FHOD3: variants seen among roughly 807,000 people sequenced by gnomAD.
FHOD3 encodes FH1/FH2 domain-containing protein 3.
A neutral mutation model predicts 173.0 loss-of-function variants in FHOD3; 90 were observed. That is an observed-to-expected ratio of 0.52 (90% CI 0.44 to 0.62). The LOEUF is 0.62. FHOD3 is among the 20% of genes least tolerant of loss of function. FHOD3 has a pLI of 0.00. For missense variants in FHOD3, 1,945 were observed against 2,034.7 expected, an observed-to-expected ratio of 0.96 and a Z score of 0.85; for synonymous variants, 828 against 823.0, an observed-to-expected ratio of 1.01 and a Z score of -0.10.
At chr18:36,452,270 T>C (rs942981446) in intron 3 of FHOD3, among the ~76,000 whole-genome samples, 3 of 152,160 alleles carry the variant, frequency 2.0e-5, no homozygotes, top group Non-Finnish European at 2.9e-5. Context: ...ACAGTAGTTT[T>C]TCTTGGAGAA....
chr18:36,572,942 C>T (rs1354147533), intron 5 of FHOD3, among the ~76,000 whole-genome samples: 1 of 151,844 alleles, frequency 6.6e-6, no homozygotes, highest in Non-Finnish European at 1.5e-5. Context: ...TCCATGGAGA[C>T]TTGCCAGTTT....
chr18:36,729,951 C>T (rs1014524809), intron 19 of FHOD3, among the ~76,000 whole-genome samples: 1 of 152,176 alleles, frequency 6.6e-6, no homozygotes, highest in Non-Finnish European at 1.5e-5. Context: ...ACTTCTTATT[C>T]CCTGCTCTCC....
chr18:36,709,978 C>T (rs1600352671), intron 18 of FHOD3: 1 of 152,576 alleles, frequency 6.6e-6, no homozygotes, highest in African/African-American at 2.4e-5. Flanking sequence ...ATATTACACT[C>T]ATAACTATTC....
intron 9 of FHOD3, among the ~76,000 whole-genome samples, chr18:36,617,875 A>G (rs1469894390): frequency 6.6e-6 from 1 of 152,128 alleles, no homozygotes; most frequent in African/African-American, 2.4e-5. Context: ...TAAACTTCCT[A>G]TTGTTACAGG....
intron 1 of FHOD3, among the ~76,000 whole-genome samples, chr18:36,309,235 G>A (rs2144631717): frequency 6.6e-6 from 1 of 152,196 alleles, no homozygotes; most frequent in East Asian, 1.9e-4. Flanking sequence ...CCTAAGCCTT[G>A]TTTTCCGTTC....
At chr18:36,604,783 G>A (rs2031876816) in intron 8 of FHOD3, among the ~76,000 whole-genome samples, 1 of 152,128 alleles carries the variant, frequency 6.6e-6, no homozygotes, top group Admixed American at 6.5e-5. Flanking sequence ...AATTTTAAAA[G>A]ATCTTATTTA....
At chr18:36,621,970 A>G (rs1273633969) in intron 9 of FHOD3, among the ~76,000 whole-genome samples, 1 of 152,250 alleles carries the variant, frequency 6.6e-6, no homozygotes, top group Non-Finnish European at 1.5e-5. Context: ...TCAATAAAGA[A>G]CATATGGTAT....
At chr18:36,504,903 C>T (rs1488254978) in intron 4 of FHOD3, among the ~76,000 whole-genome samples, 1 of 152,158 alleles carries the variant, frequency 6.6e-6, no homozygotes, top group Non-Finnish European at 1.5e-5. Flanking sequence ...ATTCCACACT[C>T]GATCTCATGT....
chr18:36,490,017 C>A (rs2054386966), intron 3 of FHOD3, among the ~76,000 whole-genome samples: 1 of 152,164 alleles, frequency 6.6e-6, no homozygotes, highest in Non-Finnish European at 1.5e-5. Context: ...GTTTGAGATG[C>A]CACTCATCTG....
At chr18:36,617,489 A>G (rs1474381461) in intron 9 of FHOD3, among the ~76,000 whole-genome samples, 1 of 151,956 alleles carries the variant, frequency 6.6e-6, no homozygotes, top group African/African-American at 2.4e-5. Context: ...ATGTATCACA[A>G]TTTATTTATC....
chr18:36,498,430 T>C (rs1489862850), intron 3 of FHOD3, among the ~76,000 whole-genome samples: 1 of 152,206 alleles, frequency 6.6e-6, no homozygotes, highest in Non-Finnish European at 1.5e-5. Context: ...GATAGATTTC[T>C]AGTCACTGAC....
intron 14 of FHOD3, among the ~76,000 whole-genome samples, chr18:36,661,012 GA>G (rs2036758779): frequency 6.6e-6 from 1 of 151,956 alleles, no homozygotes. Flanking sequence ...GTGTGGCTCT[GA>G]AAAAACATAT....
rs766036363 is a variant in FHOD3, at chr18:36,611,969, A to G, written c.831A>G (p.Pro277=). ...TLVNKTLSGL[P]DQDTFYDVVD... is the part of the protein sequence containing the mutation. Reference sequence around the variant, plus strand: ...TCTTCCAGACGTTATCAGGACTACCAGACCAAGACACCTTCTACGACGTCG... The same window carrying G: ...TCTTCCAGACGTTATCAGGACTACCGGACCAAGACACCTTCTACGACGTCG... Residue 277 remains proline (P), a synonymous_variant, in exon 9 of 29, where the codon CCA becomes CCG. Coordinates refer to ENST00000590592, the MANE Select transcript of FHOD3 (RefSeq NM_001281740.3). The G allele has an allele frequency of 1.2e-6, 2 of 1,614,078 alleles. No homozygotes were observed. The highest frequency in any genetic ancestry group is 1.7e-6 in the Non-Finnish European group (2 of 1,179,986).
chr18:36,705,324 C>A (rs894214766), intron 17 of FHOD3, among the ~76,000 whole-genome samples: 13 of 152,204 alleles, frequency 8.5e-5, no homozygotes, highest in African/African-American at 3.1e-4. Context: ...TGTGCACTTC[C>A]CTCTGCCCAG....
At chr18:36,671,765 C>G (rs1423214713) in intron 14 of FHOD3, among the ~76,000 whole-genome samples, 1 of 152,166 alleles carries the variant, frequency 6.6e-6, no homozygotes, top group East Asian at 1.9e-4. Context: ...TGATGGCACT[C>G]AGACACAGTT....
intron 10 of FHOD3, among the ~76,000 whole-genome samples, chr18:36,640,099 C>T (rs1459507501): frequency 6.6e-6 from 1 of 152,136 alleles, no homozygotes; most frequent in African/African-American, 2.4e-5. Flanking sequence ...GGTACTAGCC[C>T]ATAGTCCAGC....
At chr18:36,374,187 T>C (rs2047324239) in intron 3 of FHOD3, among the ~76,000 whole-genome samples, 1 of 152,174 alleles carries the variant, frequency 6.6e-6, no homozygotes, top group Non-Finnish European at 1.5e-5. Context: ...AGGTACAGGA[T>C]TTTTTAAAAA....
chr18:36,341,635 C>A (rs962631026), intron 1 of FHOD3, among the ~76,000 whole-genome samples: 2 of 152,176 alleles, frequency 1.3e-5, no homozygotes, highest in African/African-American at 4.8e-5. Flanking sequence ...TTCTGTTCAA[C>A]ATTCCAGGCA....
intron 3 of FHOD3, among the ~76,000 whole-genome samples, chr18:36,438,700 G>C (rs371227363): frequency 6.6e-6 from 1 of 152,212 alleles, no homozygotes; most frequent in Non-Finnish European, 1.5e-5. Flanking sequence ...TGCTGCCCCA[G>C]TGCTCTCCGT....
Sources: gnomAD v4.1 joint callset for allele counts (sites outside exome capture counted in the v4.1 genomes callset) on GRCh38, gnomAD v4.1.1 for gene constraint, MANE v1.5 for transcripts, NCBI Gene and HGNC (gene_info 2026-07-23, HGNC 2026-07-21) for gene names.